CFAP44: variants seen among roughly 807,000 people sequenced by gnomAD.
CFAP44 encodes the protein cilia and flagella associated protein 44.
Under a neutral mutation model 216.2 loss-of-function variants are expected in CFAP44, and 134 were observed. That is an observed-to-expected ratio of 0.62 (90% CI 0.54 to 0.72). CFAP44 has a LOEUF of 0.72. Ranked by LOEUF, CFAP44 falls within the 30% of genes least tolerant of loss-of-function variation. The probability of loss-of-function intolerance (pLI) is 0.00; values close to 1 mark genes in which losing one functional copy is unlikely to be tolerated. For synonymous variants in CFAP44, 700 were observed against 727.6 expected (o/e 0.96, Z 0.61); for missense variants, 2,035 against 2,182.1 (o/e 0.93, Z 1.34).
At chr3:113,426,395 G>C in intron 3 of CFAP44, 118 bp from the exon 4 acceptor site, 1 of 1,106,038 alleles carries the variant, frequency 9.0e-7, no homozygotes, top group Non-Finnish European at 1.3e-6. Context: ...CCTGGTAGGA[G>C]GTAATTGAAT....
intron 17 of CFAP44, among the ~76,000 whole-genome samples, chr3:113,373,832 C>T (rs80068383): frequency 0.083 from 12,600 of 152,138 alleles, 633 homozygotes; most frequent in East Asian, 0.15. Context: ...TCCCTACCTA[C>T]AGAATTTCAT....
chr3:113,319,781 T>A (rs1950124777), intron 28 of CFAP44, among the ~76,000 whole-genome samples: 1 of 151,524 alleles, frequency 6.6e-6, no homozygotes, highest in South Asian at 2.1e-4. Context: ...AACCAAGAGG[T>A]TTTTTTCAAA....
At chr3:113,351,055 G>A (rs149724986) in intron 22 of CFAP44, among the ~76,000 whole-genome samples, 49 of 152,298 alleles carry the variant, frequency 3.2e-4, no homozygotes, top group Admixed American at 2.4e-3. Flanking sequence ...TCTTGTAGAG[G>A]CAGGGTTAGG....
At chr3:113,406,506 C>T (rs1437019746) in intron 8 of CFAP44, among the ~76,000 whole-genome samples, 1 of 152,014 alleles carries the variant, frequency 6.6e-6, no homozygotes, top group Non-Finnish European at 1.5e-5. Flanking sequence ...CGCCTGTAGT[C>T]CCAGCTACTC....
At chr3:113,383,759 A>T (rs76304723) in intron 15 of CFAP44, among the ~76,000 whole-genome samples, 12,580 of 152,120 alleles carry the variant, frequency 0.083, 631 homozygotes, top group East Asian at 0.15. Context: ...GACCTTTTTT[A>T]AAAAATTATA....
rs539317195 is a variant in CFAP44 at position 113,344,707 on chromosome 3, C to T, written c.3071G>A (p.Arg1024Gln). The T allele has an allele frequency of 1.3e-5, 20 of 1,486,348 alleles. No homozygotes were observed. The East Asian group carries it at 2.3e-4, about 17-fold the overall frequency. 92.1% of individuals were successfully genotyped at this position (1,486,348 alleles called of 1,614,324 possible). A position where few individuals can be genotyped will look rare whatever the true frequency, so the allele number is the denominator to read the frequency against. Residue 1024 changes from arginine to glutamine, a missense_variant, in exon 23 of 35, where the codon CGA becomes CAA. Arg to Gln is a conservative substitution (Grantham distance 43). Coordinates refer to ENST00000393845, the MANE Select transcript of CFAP44 (RefSeq NM_001164496.2). ...LGLMKLKNRF[R>Q]DPLESDTIVV... The stretch of plus-strand genomic sequence containing the variant: ...AATAGTATCACTTTCCAGTGGATCT[C>T]GAAATCTGAAAAAATAAAACAAGTA...
At chr3:113,322,269 G>A (rs185715806) in intron 28 of CFAP44, among the ~76,000 whole-genome samples, 35 of 152,286 alleles carry the variant, frequency 2.3e-4, no homozygotes, top group Admixed American at 1.5e-3. Context: ...ATGCAATGGA[G>A]AAAGAAGTTC....
At chr3:113,400,085 T>A (rs1934102317) in intron 12 of CFAP44, 85 bp from the exon 13 acceptor site, 1 of 867,648 alleles carries the variant, frequency 1.2e-6, no homozygotes, top group Non-Finnish European at 1.7e-6. Flanking sequence ...TTGAATATTA[T>A]AACAAGAAAT....
At chr3:113,378,800 G>C (rs1933422548) in intron 17 of CFAP44, among the ~76,000 whole-genome samples, 2 of 151,942 alleles carry the variant, frequency 1.3e-5, no homozygotes, top group African/African-American at 2.4e-5. Context: ...TTTTGTTCAG[G>C]GTGGCACTTA....
rs1205902850 is a variant in CFAP44 at position 113,426,278 on chromosome 3, C to T, written c.254-1G>A. 1.2e-6 allele frequency: 2 copies of T among 1,611,446 alleles called. No individual in the cohort carries two copies. The highest frequency in any genetic ancestry group is 1.7e-5 in the Admixed American group (1 of 59,254). ...GCTGGAGCAGGGGTTTGCTGAGGTA[C>T]TAAAAAAATAAAATAATTTAAGAAG... On this transcript the variant is annotated splice_acceptor_variant, in intron 3 of 34. Coordinates refer to ENST00000393845, the MANE Select transcript of CFAP44 (RefSeq NM_001164496.2). LOFTEE classifies it high-confidence loss of function.
At chr3:113,409,839 T>C (rs906195012) in intron 6 of CFAP44, among the ~76,000 whole-genome samples, 6 of 152,224 alleles carry the variant, frequency 3.9e-5, no homozygotes, top group African/African-American at 1.4e-4. Context: ...CGACCTCTGG[T>C]CGTCCTCACT....
chr3:113,312,326 G>T (rs550315966), intron 28 of CFAP44, among the ~76,000 whole-genome samples: 1 of 148,054 alleles, frequency 6.8e-6, no homozygotes, highest in South Asian at 2.1e-4. Flanking sequence ...CTCATGATCC[G>T]CCCACCTCAG....
intron 3 of CFAP44, 87 bp downstream of exon 3, chr3:113,427,096 TTTTC>T (rs1234220127): frequency 8.6e-6 from 12 of 1,390,562 alleles, no homozygotes; most frequent in Non-Finnish European, 1.2e-5. Flanking sequence ...TCCTGCACAT[TTTTC>T]TTTCTATGGA....
At chr3:113,403,152 T>G (rs1934187242) in intron 9 of CFAP44, among the ~76,000 whole-genome samples, 1 of 152,232 alleles carries the variant, frequency 6.6e-6, no homozygotes, top group South Asian at 2.1e-4. Flanking sequence ...AATAGAACAC[T>G]GCCACTTTCT....
chr3:113,421,098 C>A (rs918632670), intron 4 of CFAP44, among the ~76,000 whole-genome samples: 1 of 152,086 alleles, frequency 6.6e-6, no homozygotes, highest in Non-Finnish European at 1.5e-5. Flanking sequence ...AACTATGCAT[C>A]TGACAAAGGG....
At chr3:113,350,978 T>C (rs1950439270) in intron 22 of CFAP44, among the ~76,000 whole-genome samples, 1 of 152,152 alleles carries the variant, frequency 6.6e-6, no homozygotes, top group African/African-American at 2.4e-5. Context: ...GACAGGACAA[T>C]AGATGGTTCC....
intron 6 of CFAP44, among the ~76,000 whole-genome samples, chr3:113,410,008 C>T (rs1029234747): frequency 3.3e-5 from 5 of 152,110 alleles, no homozygotes; most frequent in Non-Finnish European, 5.9e-5. Context: ...GTTTCCTGTC[C>T]GGAAACCTCA....
rs772002488 is a variant in CFAP44, at chr3:113,373,569, T to C, written c.2299-13A>G. ...AATCATAGCCACCCTAGAAAAGAGA[T>C]AAGTAACATAGAAGGTGGTACTTGA... On this transcript the variant is annotated splice_polypyrimidine_tract_variant and intron_variant, in intron 17 of 34. Coordinates refer to ENST00000393845, the MANE Select transcript of CFAP44 (RefSeq NM_001164496.2). 3.8e-6 allele frequency: 6 copies of C among 1,562,828 alleles called. No individual in the cohort carries two copies. The highest frequency in any genetic ancestry group is 1.2e-5 in the South Asian group (1 of 81,456).
intron 34 of CFAP44, chr3:113,294,417 AC>A: frequency 5.0e-6 from 2 of 398,664 alleles, no homozygotes; most frequent in Non-Finnish European, 9.0e-6. Flanking sequence ...TACCTAAGTA[AC>A]CTTACACCTC....
Sources: gnomAD v4.1 joint callset for allele counts (sites outside exome capture counted in the v4.1 genomes callset) on GRCh38, gnomAD v4.1.1 for gene constraint, MANE v1.5 for transcripts, NCBI Gene and HGNC (gene_info 2026-07-23, HGNC 2026-07-21) for gene names.